ATF6: variants seen among roughly 807,000 people sequenced by gnomAD.
ATF6 encodes the protein activating transcription factor 6, also known as cyclic AMP-dependent transcription factor ATF-6 alpha.
A neutral mutation model predicts 83.6 loss-of-function variants in ATF6; 53 were observed. The observed-to-expected ratio is 0.63, with a 90% CI of 0.51 to 0.80. The LOEUF (loss-of-function observed/expected upper bound fraction) is 0.80, where lower values mean the gene tolerates loss of function less well. Among genes scored for constraint, ATF6 ranks in the 30% least tolerant of loss-of-function variants. The pLI, the probability that ATF6 is intolerant of heterozygous loss-of-function variation, is 0.00. For missense variants in ATF6, 744 were observed against 797.9 expected (o/e 0.93, Z 0.81); for synonymous variants, 288 against 285.8 (o/e 1.01, Z -0.08).
chr1:161,949,454 C>A (rs1688820131), intron 15 of ATF6, among the ~76,000 whole-genome samples: 2 of 152,192 alleles, frequency 1.3e-5, no homozygotes, highest in South Asian at 4.1e-4. Flanking sequence ...TGTCCTCCAA[C>A]AGGCTTTATT....
chr1:161,829,231 G>A (rs1685985523), intron 9 of ATF6, among the ~76,000 whole-genome samples: 1 of 121,390 alleles, frequency 8.2e-6, no homozygotes, highest in South Asian at 2.6e-4. Flanking sequence ...ACGGAGTCTA[G>A]CTTTGTTGCC....
At chr1:161,818,788 G>A (rs897070607) in intron 7 of ATF6, among the ~76,000 whole-genome samples, 5 of 152,204 alleles carry the variant, frequency 3.3e-5, no homozygotes, top group African/African-American at 9.6e-5. Flanking sequence ...TGGTTAGGCC[G>A]TGGGAGGTCA....
intron 14 of ATF6, among the ~76,000 whole-genome samples, chr1:161,872,997 T>C (rs1687149096): frequency 6.6e-6 from 1 of 151,610 alleles, no homozygotes; most frequent in Admixed American, 6.6e-5. Flanking sequence ...GCTTGACAGA[T>C]GTTCTAAAGG....
At chr1:161,958,013 G>C (rs1689002815) in intron 15 of ATF6, among the ~76,000 whole-genome samples, 1 of 152,208 alleles carries the variant, frequency 6.6e-6, no homozygotes, top group Non-Finnish European at 1.5e-5. Context: ...TGGAATGCTG[G>C]TCCTTTTGAC....
rs1258780744 is a variant in ATF6 at position 161,853,259 on chromosome 1, A to T, written c.1469A>T (p.His490Leu). ...GAACTTCGAGGATGGGTTCATAGAC[A>T]TGAAGTAGAAAGGACCAAGTCAAGA... is the stretch of plus-strand genomic sequence containing the variant. ...NHELRGWVHR[H>L]EVERTKSRRM... The change falls in exon 12 of 16, where the codon CAT becomes CTT. Residue 490 changes from histidine (H) to leucine (L), a missense_variant. Coordinates refer to ENST00000367942, the MANE Select transcript of ATF6 (RefSeq NM_007348.4). 9.9e-6 allele frequency: 16 copies of T among 1,613,698 alleles called. No homozygotes were observed. Among genetic ancestry groups the T allele is most frequent in the Non-Finnish European group, 1.4e-5 (16 of 1,179,588 alleles).
chr1:161,958,386 T>A, intron 15 of ATF6, 60 bp from the exon 16 acceptor site: 1 of 1,501,860 alleles, frequency 6.7e-7, no homozygotes, highest in Non-Finnish European at 9.0e-7. Flanking sequence ...GGGCTGAAGC[T>A]TATGGCAGAG....
chr1:161,952,575 C>T (rs2880055), intron 15 of ATF6, among the ~76,000 whole-genome samples: 134,155 of 152,090 alleles, frequency 0.88, 59,269 homozygotes, highest in African/African-American at 0.92. Context: ...TTTTTTTTTC[C>T]GTTTTGTTTA....
chr1:161,878,701 A>G (rs1235121909), intron 14 of ATF6, among the ~76,000 whole-genome samples: 1 of 152,068 alleles, frequency 6.6e-6, no homozygotes, highest in Non-Finnish European at 1.5e-5. Flanking sequence ...AAGAGAAGAG[A>G]CTTTTGAATG....
At chr1:161,852,378 A>G (rs1292692375) in intron 11 of ATF6, among the ~76,000 whole-genome samples, 1 of 152,158 alleles carries the variant, frequency 6.6e-6, no homozygotes. Flanking sequence ...AAGGGAAGTT[A>G]TATATGAGCT....
At chr1:161,801,098 A>G (rs914136893) in intron 6 of ATF6, among the ~76,000 whole-genome samples, 2 of 152,136 alleles carry the variant, frequency 1.3e-5, no homozygotes, top group Non-Finnish European at 2.9e-5. Flanking sequence ...CAGCACTCAA[A>G]AAGTTTTGGA....
chr1:161,791,086 CTGTGTGTGTGTGTGTGTCTCTGTG>C (rs1394291550), intron 4 of ATF6, among the ~76,000 whole-genome samples: 25 of 86,224 alleles, frequency 2.9e-4, no homozygotes, highest in African/African-American at 1.6e-3. Flanking sequence ...GTGTGTGTCT[CTGTGTGTGTGTGTGTGTCTCTGTG>C]TGTGTGTGTG....
intron 1 of ATF6, among the ~76,000 whole-genome samples, chr1:161,770,793 G>T (rs1228641723): frequency 5.3e-5 from 8 of 152,180 alleles, no homozygotes; most frequent in African/African-American, 1.7e-4. Flanking sequence ...AAACATTTGT[G>T]TGCAGGTTTT....
chr1:161,946,135 C>T (rs1406930718), intron 15 of ATF6, among the ~76,000 whole-genome samples: 2 of 152,148 alleles, frequency 1.3e-5, no homozygotes, highest in Non-Finnish European at 2.9e-5. Flanking sequence ...GCTGGGACTA[C>T]AGACACAAAC....
In ATF6 at chr1:161,825,902, T is replaced by C. The variant is rs145492754; in HGVS notation, c.1187+4741T>C. 2.0e-3 allele frequency among the ~76,000 whole-genome samples: 311 copies of C among 152,216 alleles called. 1 individual carries two copies. Among genetic ancestry groups the C allele is most frequent in the Admixed American group, 4.4e-3 (68 of 15,292 alleles). ...TGGTTTCTCTGGCAATCAGCCTCCATCATCCAAGAGTCACCTCATTAGCAT... is the reference window on the plus strand; with the variant it reads ...TGGTTTCTCTGGCAATCAGCCTCCACCATCCAAGAGTCACCTCATTAGCAT... On this transcript the variant is annotated intron_variant, in intron 9 of 15. Coordinates refer to ENST00000367942, the MANE Select transcript of ATF6 (RefSeq NM_007348.4).
chr1:161,785,026 G>A (rs1019450480), intron 4 of ATF6, among the ~76,000 whole-genome samples: 2 of 152,202 alleles, frequency 1.3e-5, no homozygotes, highest in African/African-American at 4.8e-5. Context: ...GGCTTTCCAT[G>A]ATCTGGCCCC....
At chr1:161,821,683 T>C (rs919285977) in intron 9 of ATF6, among the ~76,000 whole-genome samples, 5 of 152,152 alleles carry the variant, frequency 3.3e-5, no homozygotes, top group African/African-American at 9.7e-5. Flanking sequence ...AGGCTAGATA[T>C]ATGGTTAGAA....
intron 9 of ATF6, among the ~76,000 whole-genome samples, chr1:161,823,331 TA>T (rs1370172560): frequency 1.3e-5 from 2 of 152,082 alleles, no homozygotes; most frequent in East Asian, 3.8e-4. Context: ...TTTGTAAAAA[TA>T]TTTTTTTTGG....
intron 6 of ATF6, among the ~76,000 whole-genome samples, chr1:161,797,185 C>T (rs1033440736): frequency 9.9e-5 from 15 of 152,062 alleles, no homozygotes; most frequent in African/African-American, 3.4e-4. Flanking sequence ...TAATAAGAAC[C>T]ATCTATAGCA....
rs1685707553 is a variant in ATF6, at chr1:161,819,820, T to TA, written c.1095+4dup. ...CAGCTGGATGAAGTTGTGTCAGAGG[T>TA]AAGTGTTAGTAATACGGCTGAGTCG... On this transcript the variant is annotated splice_region_variant and intron_variant, in intron 8 of 15. Coordinates refer to ENST00000367942, the MANE Select transcript of ATF6 (RefSeq NM_007348.4). The TA allele has an allele frequency of 6.2e-7, 1 of 1,604,860 alleles. No individual in the cohort carries two copies. Among genetic ancestry groups the TA allele is most frequent in the Non-Finnish European group, 8.5e-7 (1 of 1,176,200 alleles).
Sources: gnomAD v4.1 joint callset for allele counts (sites outside exome capture counted in the v4.1 genomes callset) on GRCh38, gnomAD v4.1.1 for gene constraint, MANE v1.5 for transcripts, NCBI Gene and HGNC (gene_info 2026-07-23, HGNC 2026-07-21) for gene names.